The following CCDC38 variants were observed in gnomAD, a reference collection of about 807,000 sequenced individuals.
CCDC38 encodes the protein coiled-coil domain containing 38.
A neutral mutation model predicts 72.8 loss-of-function variants in CCDC38; 69 were observed. The ratio of observed to expected loss-of-function variants is 0.95; its 90% CI spans 0.78 to 1.16. The LOEUF is 1.16. CCDC38 is among the 50% of genes most tolerant of loss of function. CCDC38 has a pLI of 0.00. For synonymous variants in CCDC38, 201 were observed against 213.2 expected, an observed-to-expected ratio of 0.94 and a Z score of 0.50; for missense variants, 626 against 638.9, an observed-to-expected ratio of 0.98 and a Z score of 0.22.
chr12:95,925,709 C>T (rs533220246), intron 2 of CCDC38, among the ~76,000 whole-genome samples: 18 of 152,102 alleles, frequency 1.2e-4, no homozygotes, highest in East Asian at 1.9e-4. Context: ...TTTTGAGATA[C>T]GTCCCATCAA....
rs147537122 is a variant in CCDC38, at chr12:95,917,253, A to C, written c.180T>G (p.Thr60=). The change falls in exon 4 of 16, where the codon ACT becomes ACG. Residue 60 remains threonine (T), a synonymous_variant. Transcript: ENST00000344280. ...MNRNMKVYQK[T]TFSSRMKSHS... is the part of the protein sequence containing the mutation. ...GACTCTTCATTCTGGATGAAAAAGT[A>C]GTTTTCTGGTAGACTTTCATGTTAC... 3.5e-5 allele frequency: 56 copies of C among 1,603,558 alleles called. No individual in the cohort carries two copies. The South Asian group carries it at 5.6e-4, about 16-fold the overall frequency.
At chr12:95,912,334 A>G (rs114814846) in intron 4 of CCDC38, among the ~76,000 whole-genome samples, 10 of 152,300 alleles carry the variant, frequency 6.6e-5, no homozygotes, top group African/African-American at 2.4e-4. Flanking sequence ...ATACCCTCAT[A>G]ACAAACCTGC....
intron 5 of CCDC38, among the ~76,000 whole-genome samples, chr12:95,905,185 T>A (rs187004316): frequency 6.6e-6 from 1 of 152,252 alleles, no homozygotes; most frequent in African/African-American, 2.4e-5. Context: ...TGTTATTTTT[T>A]ATCATTTTTT....
At chr12:95,910,906 G>A (rs2080086783) in intron 4 of CCDC38, among the ~76,000 whole-genome samples, 3 of 152,052 alleles carry the variant, frequency 2.0e-5, no homozygotes, top group African/African-American at 7.2e-5. Context: ...AAAATTACAT[G>A]AAGCCAAAAT....
At chr12:95,909,659 A>T (rs188021620) in intron 4 of CCDC38, among the ~76,000 whole-genome samples, 1 of 126,080 alleles carries the variant, frequency 7.9e-6, no homozygotes, top group East Asian at 2.0e-4. Flanking sequence ...TCAAAAAAAC[A>T]CTAGCAAACT....
chr12:95,943,089 G>C (rs2080471446), upstream of CCDC38: 1 of 319,094 alleles, frequency 3.1e-6, no homozygotes, highest in Non-Finnish European at 5.7e-6. Context: ...CTCTCGGGGT[G>C]ACCAAGCTTA....
intron 8 of CCDC38, among the ~76,000 whole-genome samples, chr12:95,892,010 TCTCCAGGTAGTA>T (rs1227625082): frequency 6.6e-6 from 1 of 151,320 alleles, no homozygotes; most frequent in Non-Finnish European, 1.5e-5. Context: ...GGAAACTCTC[TCTCCAGGTAGTA>T]AGCTGAGGCA....
intron 10 of CCDC38, among the ~76,000 whole-genome samples, chr12:95,884,592 G>A (rs1201587514): frequency 6.6e-6 from 1 of 152,208 alleles, no homozygotes; most frequent in Non-Finnish European, 1.5e-5. Flanking sequence ...TCACAGTTCT[G>A]GAGGCTAGAA....
rs2079915335 is a variant in CCDC38, at chr12:95,898,481, G to T, written c.534-16C>A. ...CTGTGCTGCCCTGAAAAGCAATGAA[G>T]ATCTGTTAATTTGCTTCTTAGAAAC... On this transcript the variant is annotated splice_polypyrimidine_tract_variant and intron_variant, in intron 6 of 15. Coordinates refer to ENST00000344280, the MANE Select transcript of CCDC38 (RefSeq NM_182496.3). 2.5e-6 allele frequency: 4 copies of T among 1,613,600 alleles called. No homozygotes were observed. The highest frequency in any genetic ancestry group is 3.4e-6 in the Non-Finnish European group (4 of 1,179,894).
chr12:95,899,179 G>C (rs928128789), intron 5 of CCDC38, among the ~76,000 whole-genome samples: 2 of 152,206 alleles, frequency 1.3e-5, no homozygotes, highest in African/African-American at 4.8e-5. Flanking sequence ...CAGCCCAAGG[G>C]TACCACATCT....
intron 2 of CCDC38, among the ~76,000 whole-genome samples, chr12:95,924,583 C>T (rs944309846): frequency 8.6e-5 from 13 of 150,704 alleles, no homozygotes; most frequent in African/African-American, 2.9e-4. Flanking sequence ...GTTGCCATTG[C>T]TTTTGGTGTT....
chr12:95,920,490 A>G (rs1362640273), intron 2 of CCDC38, among the ~76,000 whole-genome samples: 1 of 152,230 alleles, frequency 6.6e-6, no homozygotes, highest in Non-Finnish European at 1.5e-5. Context: ...AACAAAATGC[A>G]GTATATCCAT....
chr12:95,943,200 C>A, upstream of CCDC38: 1 of 556,544 alleles, frequency 1.8e-6, no homozygotes, highest in South Asian at 2.6e-5. Flanking sequence ...AGGTTTATTA[C>A]TCGTTGCCAT....
At chr12:95,887,310 A>T (rs2079770774) in intron 10 of CCDC38, among the ~76,000 whole-genome samples, 1 of 152,250 alleles carries the variant, frequency 6.6e-6, no homozygotes, top group African/African-American at 2.4e-5. Flanking sequence ...GAACAAAGAT[A>T]TTTGTAGCAA....
chr12:95,887,055 G>A (rs1012525594), intron 10 of CCDC38, among the ~76,000 whole-genome samples: 1 of 152,096 alleles, frequency 6.6e-6, no homozygotes, highest in African/African-American at 2.4e-5. Flanking sequence ...CGTAGTGGCA[G>A]GCACCTGTAA....
intron 5 of CCDC38, among the ~76,000 whole-genome samples, chr12:95,904,482 T>C (rs1168940052): frequency 1.3e-5 from 2 of 152,230 alleles, no homozygotes; most frequent in African/African-American, 4.8e-5. Flanking sequence ...GGAAAGAATA[T>C]GCATTGAAAT....
chr12:95,899,913 T>C (rs1170564504), intron 5 of CCDC38, among the ~76,000 whole-genome samples: 2 of 152,006 alleles, frequency 1.3e-5, no homozygotes, highest in African/African-American at 4.8e-5. Context: ...TGGGGTGCTG[T>C]GGACAAGGGC....
Position 95,869,533 on chromosome 12 carries a change from G to A in CCDC38, c.1525C>T (p.Gln509Ter), listed in dbSNP as rs761178608. 1.3e-5 allele frequency: 21 copies of A among 1,613,432 alleles called. No homozygotes were observed. Among genetic ancestry groups the A allele is most frequent in the Non-Finnish European group, 1.7e-5 (20 of 1,179,840 alleles). Residue 509 changes from glutamine (Q) to a stop codon, truncating the protein, a stop_gained, in exon 15 of 16, where the codon CAG becomes TAG. Coordinates refer to ENST00000344280, the MANE Select transcript of CCDC38 (RefSeq NM_182496.3). LOFTEE classifies it high-confidence loss of function. ...TCCAGAGCAGCTTTTAGCCTTTCCT[G>A]TTGGTGTCTTTGTTTTTCTTTCATT... ...EKMKEKQRHQ[Q>*]ERLKAALEKA...
intron 13 of CCDC38, 149 bp downstream of exon 13, chr12:95,878,062 A>G (rs1202139147): frequency 1.2e-6 from 1 of 865,092 alleles, no homozygotes. Flanking sequence ...CATAATGGCA[A>G]GATAAATTCC....
Sources: allele counts gnomAD v4.1 joint callset (sites outside exome capture counted in the v4.1 genomes callset), GRCh38; gene constraint gnomAD v4.1.1; transcripts MANE v1.5; gene names NCBI Gene and HGNC (gene_info 2026-07-23, HGNC 2026-07-21).